PATJ: variants seen among roughly 807,000 people sequenced by gnomAD.
PATJ encodes PATJ crumbs cell polarity complex component, also known as inaD-like protein.
In PATJ, 190 loss-of-function variants were observed where a neutral mutation model predicts 224.9. The ratio of observed to expected loss-of-function variants is 0.84; its 90% confidence interval spans 0.75 to 0.95. The LOEUF (loss-of-function observed/expected upper bound fraction) is 0.95, where lower values mean the gene tolerates loss of function less well. Among genes scored for constraint, PATJ ranks in the 40% least tolerant of loss-of-function variants. The pLI is 0.00. For synonymous variants in PATJ, 769 were observed against 820.3 expected (o/e 0.94, Z 1.07); for missense variants, 2,121 against 2,270.3 (o/e 0.93, Z 1.34).
intron 15 of PATJ, among the ~76,000 whole-genome samples, chr1:61,825,991 G>T (rs1032150750): frequency 2.0e-5 from 3 of 152,112 alleles, no homozygotes; most frequent in South Asian, 2.1e-4. Flanking sequence ...GCCTCTTCTT[G>T]TGTAAAGGTT....
intron 33 of PATJ, among the ~76,000 whole-genome samples, chr1:62,101,381 A>G (rs1192538147): frequency 6.7e-6 from 1 of 149,048 alleles, no homozygotes; most frequent in Non-Finnish European, 1.5e-5. Flanking sequence ...CTCCTGCCTC[A>G]GCCTCTGAGT....
chr1:62,094,733 A>G (rs1661195687), intron 33 of PATJ, among the ~76,000 whole-genome samples: 1 of 152,168 alleles, frequency 6.6e-6, no homozygotes, highest in Non-Finnish European at 1.5e-5. Flanking sequence ...TTAGCTGAGA[A>G]TGTTTCAAAT....
At chr1:62,137,961 C>T (rs955847040) in intron 41 of PATJ, among the ~76,000 whole-genome samples, 2 of 152,026 alleles carry the variant, frequency 1.3e-5, no homozygotes, top group African/African-American at 2.4e-5. Flanking sequence ...TCCTCTTCCT[C>T]GGATGAGGAG....
At chr1:62,149,524 T>A (rs1282916507) in intron 42 of PATJ, among the ~76,000 whole-genome samples, 2 of 152,036 alleles carry the variant, frequency 1.3e-5, no homozygotes, top group African/African-American at 4.8e-5. Flanking sequence ...CTTTTTCTCA[T>A]TATAAAAGTT....
At chr1:62,089,717 AACTGAT>A (rs1267921376) in intron 33 of PATJ, among the ~76,000 whole-genome samples, 2 of 152,016 alleles carry the variant, frequency 1.3e-5, no homozygotes. Context: ...TGTGCAACCT[AACTGAT>A]ACCATAGGTC....
Position 61,753,395 on chromosome 1 carries a change from A to C in PATJ, c.-35-9463A>C, listed in dbSNP as rs144985875. 3.8e-3 allele frequency among the ~76,000 whole-genome samples: 581 copies of C among 152,220 alleles called. 2 individuals are homozygous for C. Among genetic ancestry groups the C allele is most frequent in the African/African-American group, 0.013 (552 of 41,544 alleles). Reference sequence around the variant, plus strand: ...AGTGATCATTTTCTCCCCAAATTTCAGGTTAGATATATCATATGTCTTAGT... The same window carrying C: ...AGTGATCATTTTCTCCCCAAATTTCCGGTTAGATATATCATATGTCTTAGT... On this transcript the variant is annotated intron_variant, in intron 1 of 43. Transcript: ENST00000642238.
chr1:62,054,183 T>C (rs567322482), intron 31 of PATJ: 26 of 199,646 alleles, frequency 1.3e-4, no homozygotes, highest in Non-Finnish European at 2.0e-4. Flanking sequence ...GTGGGCCCCA[T>C]TTTTATTTAA....
chr1:62,125,445 G>A (rs1665627018), intron 39 of PATJ, among the ~76,000 whole-genome samples: 1 of 151,924 alleles, frequency 6.6e-6, no homozygotes, highest in Admixed American at 6.6e-5. Context: ...CCCAGGAAGT[G>A]GCTTCTGTTG....
At chr1:62,147,198 G>A (rs1219174458) in intron 41 of PATJ, among the ~76,000 whole-genome samples, 1 of 152,124 alleles carries the variant, frequency 6.6e-6, no homozygotes, top group Non-Finnish European at 1.5e-5. Context: ...GATGGAATGG[G>A]AGACAATGGG....
chr1:61,804,883 A>G (rs1442629040), intron 12 of PATJ, among the ~76,000 whole-genome samples: 1 of 152,208 alleles, frequency 6.6e-6, no homozygotes, highest in Non-Finnish European at 1.5e-5. Flanking sequence ...CAAAGTTTCT[A>G]TTGTATTAAA....
At chr1:62,057,707 C>T (rs1243065916) in intron 31 of PATJ, among the ~76,000 whole-genome samples, 1 of 152,178 alleles carries the variant, frequency 6.6e-6, no homozygotes, top group Non-Finnish European at 1.5e-5. Context: ...ACGTTTCTTG[C>T]CCCCAGTATG....
intron 17 of PATJ, among the ~76,000 whole-genome samples, chr1:61,846,414 T>C (rs896821054): frequency 1.3e-5 from 2 of 152,234 alleles, no homozygotes; most frequent in African/African-American, 4.8e-5. Flanking sequence ...GTACTTTCCC[T>C]GCATCATAAT....
chr1:62,027,269 T>C (rs753026547), intron 29 of PATJ, among the ~76,000 whole-genome samples: 1 of 152,242 alleles, frequency 6.6e-6, no homozygotes, highest in Non-Finnish European at 1.5e-5. Context: ...GTATTTTCAA[T>C]GTTCATTCAT....
At chr1:62,155,595 A>G (rs1248183275) in intron 43 of PATJ, among the ~76,000 whole-genome samples, 2 of 152,036 alleles carry the variant, frequency 1.3e-5, no homozygotes, top group Non-Finnish European at 2.9e-5. Flanking sequence ...GGAAGCACCC[A>G]TAGAAGTAGA....
chr1:61,760,346 T>C (rs564556754), intron 1 of PATJ, among the ~76,000 whole-genome samples: 5 of 152,186 alleles, frequency 3.3e-5, no homozygotes, highest in Non-Finnish European at 7.4e-5. Flanking sequence ...AAGATAAAGA[T>C]GTCATTCAGC....
chr1:62,142,183 A>C lies in PATJ; in HGVS notation c.5272-6101A>C, dbSNP rs1227400796. 2.0e-5 allele frequency among the ~76,000 whole-genome samples: 3 copies of C among 152,078 alleles called. No individual in the cohort carries two copies. The East Asian group carries it at 5.8e-4, about 29-fold the overall frequency. On this transcript the variant is annotated intron_variant, in intron 41 of 43. Transcript: ENST00000642238. The stretch of plus-strand genomic sequence containing the variant: ...CAGCCCCATAAGGACAGTCTGTTTC[A>C]TGGACAGCTGACAACAGTACCCGTG...
chr1:61,809,325 G>T (rs932326986), intron 14 of PATJ, among the ~76,000 whole-genome samples: 1 of 152,078 alleles, frequency 6.6e-6, no homozygotes, highest in Non-Finnish European at 1.5e-5. Context: ...ATTCTGCATG[G>T]GATATAAGTG....
At chr1:61,933,874 A>G (rs1368258011) in intron 27 of PATJ, among the ~76,000 whole-genome samples, 6 of 152,106 alleles carry the variant, frequency 3.9e-5, no homozygotes, top group African/African-American at 1.4e-4. Flanking sequence ...CTTCCTGACA[A>G]TGGATCAACA....
intron 28 of PATJ, among the ~76,000 whole-genome samples, chr1:62,000,362 A>G: frequency 1.4e-5 from 1 of 72,864 alleles, no homozygotes; most frequent in South Asian, 5.3e-4. Context: ...CCCACCCCAC[A>G]ACAGTCCCCA....
Sources: allele counts gnomAD v4.1 joint callset (sites outside exome capture counted in the v4.1 genomes callset), GRCh38; gene constraint gnomAD v4.1.1; transcripts MANE v1.5; gene names NCBI Gene and HGNC (gene_info 2026-07-23, HGNC 2026-07-21).